The following ATP9B variants were observed in gnomAD, a reference collection of about 807,000 sequenced individuals.
ATP9B encodes the protein probable phospholipid-transporting ATPase IIB.
A neutral mutation model predicts 146.1 loss-of-function variants in ATP9B; 110 were observed. The observed-to-expected ratio is 0.75, with a 90% CI of 0.65 to 0.88. ATP9B has a LOEUF of 0.88. Ranked by LOEUF, ATP9B falls within the 40% of genes least tolerant of loss-of-function variation. ATP9B has a pLI of 0.00. For missense variants in ATP9B, 1,499 were observed against 1,496.4 expected, an observed-to-expected ratio of 1.00 and a Z score of -0.03; for synonymous variants, 604 against 569.7, an observed-to-expected ratio of 1.06 and a Z score of -0.86.
intron 12 of ATP9B, among the ~76,000 whole-genome samples, chr18:79,256,286 T>TATATATATATATATACACACACACAC (rs398033647): frequency 1.1e-4 from 13 of 123,072 alleles, no homozygotes; most frequent in Non-Finnish European, 2.2e-4. Flanking sequence ...TATATATATA[T>TATATATATATATATACACACACACAC]ACATACATAG....
At chr18:79,096,179 CTGT>C (rs2074764762) in intron 1 of ATP9B, among the ~76,000 whole-genome samples, 1 of 152,146 alleles carries the variant, frequency 6.6e-6, no homozygotes, top group Admixed American at 6.5e-5. Context: ...CAGTGAGGAG[CTGT>C]TGAGCAGCAT....
At chr18:79,086,595 A>G (rs996238614) in intron 1 of ATP9B, among the ~76,000 whole-genome samples, 5 of 152,022 alleles carry the variant, frequency 3.3e-5, no homozygotes, top group African/African-American at 1.2e-4. Flanking sequence ...TAACTGAAGT[A>G]TGTATCCTGA....
chr18:79,335,255 G>A (rs192518466), intron 17 of ATP9B, among the ~76,000 whole-genome samples: 4 of 152,266 alleles, frequency 2.6e-5, no homozygotes, highest in Non-Finnish European at 4.4e-5. Context: ...CGTCAACCTC[G>A]TGTGGACATC....
chr18:79,150,995 T>C (rs947591884), intron 6 of ATP9B, among the ~76,000 whole-genome samples: 9 of 152,200 alleles, frequency 5.9e-5, no homozygotes, highest in Non-Finnish European at 8.8e-5. Context: ...GTTAGAAGTA[T>C]GTTATTCAAA....
chr18:79,081,633 C>T (rs1207604962), intron 1 of ATP9B, among the ~76,000 whole-genome samples: 4 of 148,236 alleles, frequency 2.7e-5, no homozygotes, highest in Non-Finnish European at 6.0e-5. Flanking sequence ...CCTTCAAACC[C>T]TTTTCTTCGA....
At chr18:79,199,968 A>T (rs1439264747) in intron 9 of ATP9B, among the ~76,000 whole-genome samples, 1 of 152,184 alleles carries the variant, frequency 6.6e-6, no homozygotes, top group Non-Finnish European at 1.5e-5. Context: ...CTGTTTTACA[A>T]TTAAGTTTGT....
rs182071881 is a variant in ATP9B at position 79,231,234 on chromosome 18, C to T, written c.1107+17196C>T. On this transcript the variant is annotated intron_variant, in intron 11 of 29. Transcript: ENST00000426216. The stretch of plus-strand genomic sequence containing the variant: ...AACCCACAGAGTGGAAGAAAATCTT[C>T]ACAACCTATACATCTGACAAAGGAC... 2.4e-3 allele frequency among the ~76,000 whole-genome samples: 366 copies of T among 152,116 alleles called. 2 individuals carry two copies. The highest frequency in any genetic ancestry group is 6.4e-3 in the South Asian group (31 of 4,816).
In ATP9B at chr18:79,345,583, C is replaced by T. The variant is rs1336954390; in HGVS notation, c.2617+11C>T. ...GCACCTGCGCCATCGGTGAGAGCCG[C>T]CCACCCTGCTCACAGGGAGGTCTCC... On this transcript the variant is annotated intron_variant, in intron 22 of 29. Coordinates refer to ENST00000426216, the MANE Select transcript of ATP9B (RefSeq NM_198531.5). 3 of 1,604,978 alleles carry T rather than the reference C, an allele frequency of 1.9e-6. No individual in the cohort carries two copies. The highest frequency in any genetic ancestry group is 2.7e-5 in the African/African-American group (2 of 74,896).
intron 10 of ATP9B, among the ~76,000 whole-genome samples, chr18:79,207,235 G>A (rs148257468): frequency 8.9e-4 from 135 of 152,328 alleles, no homozygotes; most frequent in African/African-American, 2.9e-3. Flanking sequence ...CTGAGACAGG[G>A]AGAGGTGCTG....
intron 8 of ATP9B, among the ~76,000 whole-genome samples, chr18:79,182,633 A>G (rs1159403867): frequency 1.9e-5 from 2 of 106,294 alleles, no homozygotes; most frequent in African/African-American, 1.1e-4. Flanking sequence ...AGTTGTTTTC[A>G]TGGGAGGACA....
intron 7 of ATP9B, among the ~76,000 whole-genome samples, chr18:79,162,645 C>T (rs1437399701): frequency 1.3e-5 from 2 of 152,058 alleles, no homozygotes; most frequent in African/African-American, 4.8e-5. Context: ...TAGTGCTATT[C>T]GTCTTGCTAC....
chr18:79,360,621 T>C (rs2096982410), intron 26 of ATP9B: 1 of 152,230 alleles, frequency 6.6e-6, no homozygotes, highest in South Asian at 2.1e-4. Context: ...AGAGAGGTGC[T>C]GGGTAAGTCA....
intron 1 of ATP9B, among the ~76,000 whole-genome samples, chr18:79,070,904 A>G (rs955811770): frequency 2.0e-5 from 3 of 151,742 alleles, no homozygotes. Flanking sequence ...GTTGGATCTT[A>G]TATTTTTTAT....
At chr18:79,172,566 G>A (rs1477791191) in intron 7 of ATP9B, among the ~76,000 whole-genome samples, 4 of 110,182 alleles carry the variant, frequency 3.6e-5, no homozygotes, top group African/African-American at 7.1e-5. Context: ...GATTACAGGC[G>A]TAGCCACCGT....
intron 11 of ATP9B, among the ~76,000 whole-genome samples, chr18:79,245,787 A>ACTGACTGAGGAGGGTACCG (rs1568483704): frequency 1.2e-4 from 14 of 119,318 alleles, no homozygotes; most frequent in Admixed American, 3.6e-4. Context: ...GGAGGGCACC[A>ACTGACTGAGGAGGGTACCG]CCCTACTGAC....
chr18:79,144,730 G>T (rs980187813), intron 6 of ATP9B: 7 of 111,620 alleles, frequency 6.3e-5, no homozygotes, highest in Non-Finnish European at 1.2e-4. Context: ...TTTTATTTTT[G>T]TTTTATTCTT....
intron 11 of ATP9B, among the ~76,000 whole-genome samples, chr18:79,223,389 T>G (rs1022506294): frequency 2.6e-5 from 4 of 152,234 alleles, no homozygotes; most frequent in Admixed American, 2.0e-4. Context: ...TTAATTTTTC[T>G]AACAGTTGCT....
chr18:79,072,390 A>G (rs1349138182), intron 1 of ATP9B, among the ~76,000 whole-genome samples: 1 of 152,112 alleles, frequency 6.6e-6, no homozygotes, highest in East Asian at 1.9e-4. Context: ...CTGTTTAACA[A>G]AGCACATCTT....
At chr18:79,273,907 C>G (rs956354750) in intron 12 of ATP9B, among the ~76,000 whole-genome samples, 1 of 152,164 alleles carries the variant, frequency 6.6e-6, no homozygotes, top group African/African-American at 2.4e-5. Flanking sequence ...ATGTATCTTC[C>G]TACTCCTAAC....
Sources: allele counts gnomAD v4.1 joint callset (sites outside exome capture counted in the v4.1 genomes callset), GRCh38; gene constraint gnomAD v4.1.1; transcripts MANE v1.5; gene names NCBI Gene and HGNC (gene_info 2026-07-23, HGNC 2026-07-21).